The following SZT2 variants were observed in gnomAD, a reference collection of about 807,000 sequenced individuals.
SZT2 encodes the protein KICSTOR complex protein SZT2.
Under a neutral mutation model 404.2 loss-of-function variants are expected in SZT2, and 216 were observed. That is an observed-to-expected ratio of 0.53 (90% CI 0.48 to 0.60). SZT2 has a LOEUF of 0.60. Ranked by LOEUF, SZT2 falls within the 20% of genes least tolerant of loss-of-function variation. The pLI, the probability that SZT2 is intolerant of heterozygous loss-of-function variation, is 0.00. For synonymous variants in SZT2, 1,693 were observed against 1,749.9 expected, an observed-to-expected ratio of 0.97 and a Z score of 0.81; for missense variants, 3,857 against 4,459.2, an observed-to-expected ratio of 0.86 and a Z score of 3.85.
chr1:43,391,877 C>A (rs1424710019), intron 1 of SZT2, among the ~76,000 whole-genome samples: 1 of 20,856 alleles, frequency 4.8e-5, no homozygotes, highest in Non-Finnish European at 1.1e-4. Flanking sequence ...GTCAGGAGAT[C>A]GAGACCATCC....
intron 7 of SZT2, among the ~76,000 whole-genome samples, chr1:43,417,257 A>G (rs1451689551): frequency 6.6e-6 from 1 of 152,174 alleles, no homozygotes; most frequent in Non-Finnish European, 1.5e-5. Flanking sequence ...AGAGAGGATC[A>G]GGGCTTAAAT....
In SZT2 at chr1:43,449,775, CAG is replaced by C. The variant is rs533420833; in HGVS notation, c.10087-323_10087-322del. ...ACGACAAGACAATCCCAGGGGTGGT[CAG>C]AGAGGAGTCCCAGGACAGGAGGCAA... On this transcript the variant is annotated intron_variant, in intron 70 of 71. Coordinates refer to ENST00000634258, the MANE Select transcript of SZT2 (RefSeq NM_001365999.1). 74 of 448,726 alleles carry C rather than the reference CAG, an allele frequency of 1.6e-4. 1 individual carries two copies. The East Asian group carries it at 2.4e-3, about 15-fold the overall frequency. The allele number at this position is 448,726 out of a possible 1,614,324, so 27.8% of individuals were successfully genotyped here. A position where few individuals can be genotyped will look rare whatever the true frequency, so the allele number is the denominator to read the frequency against.
rs1406497094 is a variant in SZT2, at chr1:43,428,028, C to A, written c.3829C>A (p.Pro1277Thr). 3.7e-6 allele frequency: 6 copies of A among 1,614,172 alleles called. No homozygotes were observed. The highest frequency in any genetic ancestry group is 5.1e-6 in the Non-Finnish European group (6 of 1,180,008). The change falls in exon 27 of 72, where the codon CCA (proline) becomes ACA (threonine). Residue 1277 changes from proline to threonine, a missense_variant. By Grantham distance (38) the Pro-to-Thr change is conservative (BLOSUM62 -1). Coordinates refer to ENST00000634258, the MANE Select transcript of SZT2 (RefSeq NM_001365999.1). ...GACTCAGTTCCTCGACCACCCCTCC[C>A]CATCCTCAGCCTGGATGGAACCCCG... ...FRTQFLDHPSPSSAWMEPRYK... is the reference protein window; with the variant it reads ...FRTQFLDHPSTSSAWMEPRYK...
At chr1:43,449,009 C>CT (rs1656049191) in intron 70 of SZT2, 1 of 400,194 alleles carries the variant, frequency 2.5e-6, no homozygotes, top group African/African-American at 2.0e-5. Context: ...GCTGTCAGAA[C>CT]TTTGTCAGTA....
chr1:43,408,481 G>C (rs1198378793), intron 4 of SZT2, among the ~76,000 whole-genome samples: 1 of 151,500 alleles, frequency 6.6e-6, no homozygotes, highest in African/African-American at 2.4e-5. Flanking sequence ...GTCCAGGCTG[G>C]TCTCAAACTC....
intron 15 of SZT2, among the ~76,000 whole-genome samples, chr1:43,423,786 G>A (rs1652775623): frequency 6.7e-6 from 1 of 149,650 alleles, no homozygotes; most frequent in South Asian, 2.1e-4. Context: ...GTGTGGAAGG[G>A]TGTGACTTAG....
Position 43,441,132 on chromosome 1 carries a change from G to T in SZT2, c.7345-82G>T. On this transcript the variant is annotated intron_variant, in intron 52 of 71. Coordinates refer to ENST00000634258, the MANE Select transcript of SZT2 (RefSeq NM_001365999.1). The surrounding 1 kb of genome is among the most constrained non-coding windows in gnomAD (Gnocchi z 4.8). ...GAACCCAGACCTCTGAATCCTCCTA[G>T]CTCACTGCTGTTCCATAGTGCCCCC... 1 of 1,526,594 alleles carries T rather than the reference G, an allele frequency of 6.6e-7. No individual in the cohort carries two copies. The highest frequency in any genetic ancestry group is 1.2e-5 in the South Asian group (1 of 80,212). The allele number at this position is 1,526,594 out of a possible 1,614,324, so 94.6% of individuals were successfully genotyped here. A position where few individuals can be genotyped will look rare whatever the true frequency, so the allele number is the denominator to read the frequency against.
At chr1:43,446,067 G>A (rs138115726) in intron 63 of SZT2, 83 bp downstream of exon 63, 26 of 1,576,476 alleles carry the variant, frequency 1.6e-5, no homozygotes, top group East Asian at 4.5e-5. Context: ...GTGATGTACC[G>A]AGGTCACTGA....
rs111686948 is a variant in SZT2 at position 43,451,930 on chromosome 1, C to T, written c.*1450C>T. The T allele has an allele frequency of 2.6e-3, 4,226 of 1,612,544 alleles. 60 individuals carry two copies. Among genetic ancestry groups the T allele is most frequent in the African/African-American group, 0.019 (1,426 of 75,000 alleles). ...ACAGAAGGAGAGACAGGGCTGGGGT[C>T]GTACCCTGCTGGGGCGTGTCCAGGA... On this transcript the variant is annotated 3_prime_UTR_variant, in exon 72 of 72. Coordinates refer to ENST00000634258, the MANE Select transcript of SZT2 (RefSeq NM_001365999.1).
At chr1:43,392,464 G>C (rs1389990813) in intron 1 of SZT2, among the ~76,000 whole-genome samples, 6 of 151,224 alleles carry the variant, frequency 4.0e-5, no homozygotes, top group Admixed American at 3.3e-4. Context: ...GCCCAGGCTG[G>C]AGTGCAGTGG....
At chr1:43,418,675 G>A (rs758458465) in intron 7 of SZT2, among the ~76,000 whole-genome samples, 6 of 152,304 alleles carry the variant, frequency 3.9e-5, no homozygotes, top group Non-Finnish European at 8.8e-5. Flanking sequence ...TTGGGGTTTC[G>A]AAGAAGCAGA....
In SZT2 at chr1:43,450,028, C is replaced by T; in HGVS notation, c.10087-75C>T. On this transcript the variant is annotated intron_variant, in intron 70 of 71. Coordinates refer to ENST00000634258, the MANE Select transcript of SZT2 (RefSeq NM_001365999.1). The surrounding 1 kb of genome is among the most constrained non-coding windows in gnomAD (Gnocchi z 4.3). ...GTGGAGATGGAAGTAGGCCTCTCCTCATCCTCCCTTCACCTCAGGATGCCC... is the reference window on the plus strand; with the variant it reads ...GTGGAGATGGAAGTAGGCCTCTCCTTATCCTCCCTTCACCTCAGGATGCCC... 6.3e-7 allele frequency: 1 copy of T among 1,575,512 alleles called. No individual in the cohort carries two copies. Among genetic ancestry groups the T allele is most frequent in the Non-Finnish European group, 8.7e-7 (1 of 1,145,308 alleles).
At chr1:43,415,499 T>C (rs1557532261) in intron 5 of SZT2, among the ~76,000 whole-genome samples, 1 of 152,180 alleles carries the variant, frequency 6.6e-6, no homozygotes, top group Non-Finnish European at 1.5e-5. Flanking sequence ...ATGCGTGGCT[T>C]TGACCTCTAG....
intron 7 of SZT2, among the ~76,000 whole-genome samples, chr1:43,418,586 G>T (rs1651966455): frequency 6.6e-6 from 1 of 152,222 alleles, no homozygotes; most frequent in Non-Finnish European, 1.5e-5. Context: ...GGTGTCATAT[G>T]TTTTGATGTG....
rs1557554070 is a variant in SZT2 at position 43,425,626 on chromosome 1, C to T, written c.2798C>T (p.Ser933Phe). 6.8e-6 allele frequency: 11 copies of T among 1,614,044 alleles called. No homozygotes were observed. In the East Asian group the frequency reaches 2.5e-4, roughly 36 times the overall value. Residue 933 changes from serine (S) to phenylalanine (F), a missense_variant, in exon 19 of 72, where the codon TCT (serine) becomes TTT (phenylalanine). Transcript: ENST00000634258. The surrounding 1 kb of genome is among the most constrained non-coding windows in gnomAD (Gnocchi z 4.3). ...AAGCACCTCCAGGACCTGACGTATT[C>T]TGAGATCCCGCAAGCTGTGAGTGTC... ...IWKHLQDLTY[S>F]EIPQALHPRD... is the part of the protein sequence containing the mutation.
At chr1:43,433,272 T>G in intron 40 of SZT2, 82 bp downstream of exon 40, 1 of 1,477,204 alleles carries the variant, frequency 6.8e-7, no homozygotes, top group South Asian at 1.2e-5. Context: ...TCCAGTGTTG[T>G]TAGAAGTAAG....
At chr1:43,403,090 T>A (rs573118334) in intron 1 of SZT2, 87 bp from the exon 2 acceptor site, 8 of 1,475,800 alleles carry the variant, frequency 5.4e-6, no homozygotes, top group Admixed American at 1.8e-5. Flanking sequence ...GGTGAGTTCC[T>A]TGGGCAAATT....
chr1:43,429,583 T>C (rs1653604862), intron 28 of SZT2, 120 bp from the exon 29 acceptor site: 3 of 1,262,484 alleles, frequency 2.4e-6, no homozygotes, highest in African/African-American at 1.5e-5. Context: ...CCCATGCCAT[T>C]ACGCTAAGTA....
Position 43,425,152 on chromosome 1 carries a change from A to G in SZT2, c.2590A>G (p.Thr864Ala). The change falls in exon 18 of 72, where the codon ACC becomes GCC. Residue 864 changes from threonine (T) to alanine (A), a missense_variant. Coordinates refer to ENST00000634258, the MANE Select transcript of SZT2 (RefSeq NM_001365999.1). This position sits in a 1 kb window ranked among gnomAD's most constrained non-coding sequence, Gnocchi z 4.3. Reference protein sequence around the residue: ...PGQAAAEEKHTCVVQYILFPP... With the variant: ...PGQAAAEEKHACVVQYILFPP... The stretch of plus-strand genomic sequence containing the variant: ...GCAGGCTGCAGCTGAAGAGAAGCAC[A>G]CCTGTGTTGTCCAGTACATCCTCTT... 1.9e-6 allele frequency: 3 copies of G among 1,614,138 alleles called. No homozygotes were observed. The highest frequency in any genetic ancestry group is 1.7e-6 in the Non-Finnish European group (2 of 1,180,012).
Sources: allele counts gnomAD v4.1 joint callset (sites outside exome capture counted in the v4.1 genomes callset), GRCh38; gene constraint gnomAD v4.1.1; non-coding constraint Gnocchi (gnomAD v3.1); transcripts MANE v1.5; gene names NCBI Gene and HGNC (gene_info 2026-07-23, HGNC 2026-07-21).